SGPP1: variants seen among roughly 807,000 people sequenced by gnomAD.
SGPP1 encodes sphingosine-1-phosphate phosphatase 1.
A neutral mutation model predicts 33.0 loss-of-function variants in SGPP1; 21 were observed. That is an observed-to-expected ratio of 0.64 (90% CI 0.45 to 0.92). The LOEUF (loss-of-function observed/expected upper bound fraction) is 0.92. SGPP1 is among the 40% of genes least tolerant of loss of function. SGPP1 has a pLI of 0.00. For synonymous variants in SGPP1, 239 were observed against 241.2 expected, an observed-to-expected ratio of 0.99 and a Z score of 0.08; for missense variants, 543 against 589.4, an observed-to-expected ratio of 0.92 and a Z score of 0.81.
chr14:63,705,096 C>A (rs889618504), intron 1 of SGPP1, among the ~76,000 whole-genome samples: 1 of 151,144 alleles, frequency 6.6e-6, no homozygotes, highest in African/African-American at 2.4e-5. Flanking sequence ...CATTGCACTC[C>A]TGCGTGGGTG....
chr14:63,713,098 T>C (rs887161989), intron 1 of SGPP1, among the ~76,000 whole-genome samples: 3 of 152,048 alleles, frequency 2.0e-5, no homozygotes, highest in East Asian at 3.9e-4. Flanking sequence ...TATATGCTGA[T>C]GACAAGAAAC....
chr14:63,718,135 C>T (rs1885671984), intron 1 of SGPP1, among the ~76,000 whole-genome samples: 1 of 151,862 alleles, frequency 6.6e-6, no homozygotes, highest in Admixed American at 6.6e-5. Context: ...GCAGTCCCAG[C>T]TACTTGGGAG....
chr14:63,726,266 AGTTT>A (rs1364139201), intron 1 of SGPP1, among the ~76,000 whole-genome samples: 2 of 152,194 alleles, frequency 1.3e-5, no homozygotes, highest in Non-Finnish European at 2.9e-5. Context: ...AAATAGAGGA[AGTTT>A]GTTTCCTTAG....
At chr14:63,692,319 A>C (rs1885106744) in intron 2 of SGPP1, among the ~76,000 whole-genome samples, 1 of 152,266 alleles carries the variant, frequency 6.6e-6, no homozygotes, top group Non-Finnish European at 1.5e-5. Flanking sequence ...TAAATAATGA[A>C]AACTGGAGTA....
At chr14:63,719,479 T>C (rs982729291) in intron 1 of SGPP1, among the ~76,000 whole-genome samples, 5 of 152,026 alleles carry the variant, frequency 3.3e-5, no homozygotes, top group African/African-American at 1.2e-4. Flanking sequence ...TCTGTTAAAA[T>C]TTAAATGCCT....
intron 2 of SGPP1, among the ~76,000 whole-genome samples, chr14:63,688,943 T>G (rs556808856): frequency 6.6e-6 from 1 of 152,128 alleles, no homozygotes; most frequent in South Asian, 2.1e-4. Flanking sequence ...GGATGGTCTC[T>G]ATCTCCTGAC....
At chr14:63,710,096 A>G (rs1377412062) in intron 1 of SGPP1, among the ~76,000 whole-genome samples, 1 of 152,204 alleles carries the variant, frequency 6.6e-6, no homozygotes, top group Non-Finnish European at 1.5e-5. Flanking sequence ...AATTCTAGGA[A>G]TGAATAGTGT....
At chr14:63,707,836 T>C (rs545725946) in intron 1 of SGPP1, among the ~76,000 whole-genome samples, 1 of 152,158 alleles carries the variant, frequency 6.6e-6, no homozygotes, top group Non-Finnish European at 1.5e-5. Flanking sequence ...GTGGATTCTG[T>C]GCAGATTTTT....
At chr14:63,702,339 T>C (rs994839849) in intron 1 of SGPP1, among the ~76,000 whole-genome samples, 5 of 152,196 alleles carry the variant, frequency 3.3e-5, no homozygotes, top group African/African-American at 4.8e-5. Flanking sequence ...AAATAAGTCA[T>C]TTTTATTGAC....
intron 1 of SGPP1, among the ~76,000 whole-genome samples, chr14:63,701,439 T>G (rs556407356): frequency 1.1e-4 from 16 of 152,202 alleles, no homozygotes; most frequent in Non-Finnish European, 1.8e-4. Context: ...AAATAGAAGA[T>G]AGTGTAGGCT....
In SGPP1 at chr14:63,727,394, G is replaced by A; in HGVS notation, c.551C>T (p.Pro184Leu). 1 of 1,613,614 alleles carries A rather than the reference G, an allele frequency of 6.2e-7. No homozygotes were observed. Among genetic ancestry groups the A allele is most frequent in the South Asian group, 1.1e-5 (1 of 91,054 alleles). ...GQCTKDIIRW[P>L]RPASPPVVKL... ...GACCACGGGCGGCGAGGCGGGCCTC[G>A]GCCAGCGGATGATGTCCTTGGTGCA... Residue 184 changes from proline to leucine, a missense_variant, in exon 1 of 3, where the codon CCG (proline) becomes CTG (leucine). By Grantham distance (98) the Pro-to-Leu change is moderately conservative. Transcript: ENST00000247225.
rs373758340 is a variant in SGPP1, at chr14:63,710,073, AGAATTTC to A, written c.685-11422_685-11416del. Among the ~76,000 whole-genome samples, 1,212 of 152,354 alleles carry A rather than the reference AGAATTTC, an allele frequency of 8.0e-3. 10 individuals are homozygous for A. Among genetic ancestry groups the A allele is most frequent in the Non-Finnish European group, 0.011 (770 of 68,020 alleles). On this transcript the variant is annotated intron_variant, in intron 1 of 2. Coordinates refer to ENST00000247225, the MANE Select transcript of SGPP1 (RefSeq NM_030791.4). The stretch of plus-strand genomic sequence containing the variant: ...TAAATATGGAAGGCAGGCACAGGAA[AGAATTTC>A]TGTTCAATTCTAGGAATGAATAGTG...
At chr14:63,706,531 C>T (rs1885410720) in intron 1 of SGPP1, among the ~76,000 whole-genome samples, 2 of 152,216 alleles carry the variant, frequency 1.3e-5, no homozygotes, top group African/African-American at 4.8e-5. Context: ...GCAATTCTCT[C>T]CTGCCTGTAT....
intron 1 of SGPP1, among the ~76,000 whole-genome samples, chr14:63,706,755 T>C (rs1490383460): frequency 6.6e-6 from 1 of 152,180 alleles, no homozygotes; most frequent in African/African-American, 2.4e-5. Context: ...AATTGCAATC[T>C]GAAAATCCTT....
intron 1 of SGPP1, among the ~76,000 whole-genome samples, chr14:63,712,308 T>C (rs1052077867): frequency 3.9e-5 from 6 of 152,210 alleles, no homozygotes. Flanking sequence ...TCTCTTACTT[T>C]CACTTCTGGC....
chr14:63,688,315 C>CAAAAAAAAAAAAAA (rs71120275), intron 2 of SGPP1, among the ~76,000 whole-genome samples: 42 of 31,428 alleles, frequency 1.3e-3, no homozygotes, highest in African/African-American at 3.9e-3. Flanking sequence ...GACTCTGTCT[C>CAAAAAAAAAAAAAA]AAAAAAAAAA....
intron 1 of SGPP1, among the ~76,000 whole-genome samples, chr14:63,708,370 C>T (rs974775175): frequency 6.6e-6 from 1 of 151,194 alleles, no homozygotes; most frequent in Admixed American, 6.6e-5. Context: ...ATTCTCCTGC[C>T]TCAGCCTCCC....
intron 1 of SGPP1, among the ~76,000 whole-genome samples, chr14:63,719,003 T>C (rs1196701493): frequency 1.1e-4 from 3 of 27,022 alleles, no homozygotes; most frequent in Non-Finnish European, 1.4e-4. Flanking sequence ...TATATATATA[T>C]ATATATATAT....
At chr14:63,696,057 G>A (rs148769396) in intron 2 of SGPP1, among the ~76,000 whole-genome samples, 1,860 of 152,300 alleles carry the variant, frequency 0.012, 18 homozygotes, top group Admixed American at 0.017. Context: ...GGAGGCCGAG[G>A]TGGGTGGATC....
Sources: gnomAD v4.1 joint callset for allele counts (sites outside exome capture counted in the v4.1 genomes callset) on GRCh38, gnomAD v4.1.1 for gene constraint, MANE v1.5 for transcripts, NCBI Gene and HGNC (gene_info 2026-07-23, HGNC 2026-07-21) for gene names.